The following SGIP1 variants were observed in gnomAD, a reference collection of about 807,000 sequenced individuals.
SGIP1 encodes the protein SH3GL interacting endocytic adaptor 1, also known as SH3-containing GRB2-like protein 3-interacting protein 1.
SGIP1 carries 38 observed loss-of-function variants against 107.5 expected under a neutral mutation model. The observed-to-expected ratio is 0.35, with a 90% CI of 0.27 to 0.46. SGIP1 has a LOEUF of 0.46. Among genes scored for constraint, SGIP1 ranks in the 20% least tolerant of loss-of-function variants. SGIP1 has a pLI of 1.00. For missense variants in SGIP1, 929 were observed against 1,019.5 expected (o/e 0.91, Z 1.21); for synonymous variants, 365 against 366.1 (o/e 1.00, Z 0.03).
Position 66,679,998 on chromosome 1 carries a change from G to A in SGIP1, c.814+246G>A, listed in dbSNP as rs143652993. Among the ~76,000 whole-genome samples, 128 of 152,062 alleles carry A rather than the reference G, an allele frequency of 8.4e-4. 1 individual carries two copies. The highest frequency in any genetic ancestry group is 2.7e-3 in the African/African-American group (114 of 41,466). On this transcript the variant is annotated intron_variant, in intron 14 of 24. Coordinates refer to ENST00000371037, the MANE Select transcript of SGIP1 (RefSeq NM_032291.4). ...CCTTGGTATAATTTTGTTGAATGAG[G>A]GACATTTTGTAACACGAAATGAAAA...
At chr1:66,717,887 A>G (rs57894680) in intron 18 of SGIP1, among the ~76,000 whole-genome samples, 3,011 of 152,282 alleles carry the variant, frequency 0.02, 96 homozygotes, top group African/African-American at 0.068. Flanking sequence ...GAATGTTGAT[A>G]ATGCTGATGA....
chr1:66,615,322 G>A (rs560970397), intron 1 of SGIP1, among the ~76,000 whole-genome samples: 9 of 152,072 alleles, frequency 5.9e-5, no homozygotes, highest in African/African-American at 2.2e-4. Context: ...TAGTGGAGAT[G>A]GGATTTCACC....
chr1:66,573,417 C>A (rs1025638450), intron 1 of SGIP1, among the ~76,000 whole-genome samples: 1 of 151,986 alleles, frequency 6.6e-6, no homozygotes, highest in Non-Finnish European at 1.5e-5. Flanking sequence ...GGTATATACC[C>A]AAAGGAATAT....
intron 13 of SGIP1, 24 bp from the exon 14 acceptor site, chr1:66,679,654 A>G: frequency 1.2e-6 from 2 of 1,600,428 alleles, no homozygotes; most frequent in South Asian, 2.3e-5. Flanking sequence ...GACCAATGAT[A>G]CTTAATTTCT....
chr1:66,651,517 CA>C (rs2078739748), intron 7 of SGIP1, among the ~76,000 whole-genome samples: 1 of 151,808 alleles, frequency 6.6e-6, no homozygotes, highest in East Asian at 1.9e-4. Flanking sequence ...CTAGCTCATT[CA>C]AAATATTTTA....
At chr1:66,653,305 G>A (rs1428638395) in intron 7 of SGIP1, among the ~76,000 whole-genome samples, 1 of 151,788 alleles carries the variant, frequency 6.6e-6, no homozygotes, top group East Asian at 1.9e-4. Context: ...CTTCATTACT[G>A]ATTTTTTTTT....
intron 1 of SGIP1, among the ~76,000 whole-genome samples, chr1:66,580,249 C>T (rs547803901): frequency 8.5e-5 from 13 of 152,250 alleles, no homozygotes; most frequent in Non-Finnish European, 1.5e-4. Flanking sequence ...ACCTAAGGCC[C>T]CACTACAACT....
chr1:66,659,492 T>C (rs1395311681), intron 7 of SGIP1, among the ~76,000 whole-genome samples: 1 of 152,204 alleles, frequency 6.6e-6, no homozygotes, highest in East Asian at 1.9e-4. Flanking sequence ...AGTCTCATGC[T>C]TTCATTTCAT....
intron 2 of SGIP1, among the ~76,000 whole-genome samples, chr1:66,632,474 G>A (rs1167812928): frequency 2.0e-5 from 3 of 152,076 alleles, no homozygotes; most frequent in Non-Finnish European, 2.9e-5. Context: ...AGGACCATTC[G>A]CAGAAGAAAA....
chr1:66,721,364 C>G (rs2093523493), intron 19 of SGIP1, among the ~76,000 whole-genome samples: 1 of 152,114 alleles, frequency 6.6e-6, no homozygotes. Context: ...CTTAGAAAAT[C>G]ACGTTGGCCT....
At chr1:66,648,991 C>T (rs1357634774) in intron 7 of SGIP1, among the ~76,000 whole-genome samples, 1 of 152,124 alleles carries the variant, frequency 6.6e-6, no homozygotes, top group Non-Finnish European at 1.5e-5. Context: ...AATTGGTACT[C>T]TGCAATTGTT....
chr1:66,681,866 C>T lies in SGIP1; in HGVS notation c.815-3C>T. 1 of 1,606,988 alleles carries T rather than the reference C, an allele frequency of 6.2e-7. No homozygotes were observed. Among genetic ancestry groups the T allele is most frequent in the South Asian group, 1.1e-5 (1 of 90,060 alleles). ...AGTTTAAAATCAACTACTTTAACCA[C>T]AGGAAATGACCAGTCAGCCACAGAG... is the stretch of plus-strand genomic sequence containing the variant. On this transcript the variant is annotated splice_region_variant and splice_polypyrimidine_tract_variant and intron_variant, in intron 14 of 24. Coordinates refer to ENST00000371037, the MANE Select transcript of SGIP1 (RefSeq NM_032291.4).
intron 1 of SGIP1, among the ~76,000 whole-genome samples, chr1:66,550,885 C>G (rs1471638882): frequency 2.0e-5 from 3 of 152,060 alleles, no homozygotes; most frequent in Non-Finnish European, 2.9e-5. Context: ...CTATCTGATT[C>G]TCAAACTATA....
chr1:66,630,853 A>AGAGAGAGAGAG (rs1558133316), intron 2 of SGIP1, among the ~76,000 whole-genome samples: 1 of 32,724 alleles, frequency 3.1e-5, no homozygotes, highest in African/African-American at 1.6e-4. Context: ...GAAAGAAAGA[A>AGAGAGAGAGAG]AGAAAGAAAG....
Position 66,740,694 on chromosome 1 carries a change from T to C in SGIP1, c.2271T>C (p.Pro757=). Residue 757 remains proline, a synonymous_variant, in exon 23 of 25, where the codon CCT becomes CCC. Transcript: ENST00000371037. ...AACAGAGAATATTGTGGAAGATTCC[T>C]GATATCTCTCAGAAGTCAGAAAATG... ...AEQQRILWKI[P]DISQKSENGG... is the part of the protein sequence containing the mutation. 4 of 1,608,482 alleles carry C rather than the reference T, an allele frequency of 2.5e-6. No individual in the cohort carries two copies. Among genetic ancestry groups the C allele is most frequent in the Non-Finnish European group, 3.4e-6 (4 of 1,176,166 alleles).
intron 1 of SGIP1, among the ~76,000 whole-genome samples, chr1:66,545,687 G>A (rs1440055987): frequency 4.1e-5 from 6 of 147,174 alleles, no homozygotes; most frequent in Non-Finnish European, 9.0e-5. Context: ...CAGAGAGAAA[G>A]AGAGAGAGGA....
chr1:66,554,226 T>A (rs1354662831), intron 1 of SGIP1, among the ~76,000 whole-genome samples: 4 of 152,138 alleles, frequency 2.6e-5, no homozygotes, highest in Non-Finnish European at 5.9e-5. Context: ...AAAGTCTAAA[T>A]GAGGTTGGGG....
At position 66,745,488 on chromosome 1, in the gene SGIP1, A is replaced by C. The variant is rs2094540153; in HGVS notation, c.*2393A>C. 1 of 152,102 alleles carries C rather than the reference A, an allele frequency of 6.6e-6. No individual in the cohort carries two copies. Among genetic ancestry groups the C allele is most frequent in the African/African-American group, 2.4e-5 (1 of 41,440 alleles). The allele number at this position is 152,102 out of a possible 1,614,324, so 9.4% of individuals were successfully genotyped here. A position where few individuals can be genotyped will look rare whatever the true frequency, so the allele number is the denominator to read the frequency against. On this transcript the variant is annotated 3_prime_UTR_variant, in exon 25 of 25. Transcript: ENST00000371037. ...GTTTCTTTTTAATTTTGTAGATTAT[A>C]ATCTCCTGTTACATCTATATCCACA...
intron 1 of SGIP1, among the ~76,000 whole-genome samples, chr1:66,586,846 A>AT (rs1049214021): frequency 1.3e-5 from 2 of 151,724 alleles, no homozygotes; most frequent in Non-Finnish European, 1.5e-5. Context: ...TCCTTTAGCT[A>AT]TTTTTTTAGA....
Sources: allele counts gnomAD v4.1 joint callset (sites outside exome capture counted in the v4.1 genomes callset), GRCh38; gene constraint gnomAD v4.1.1; transcripts MANE v1.5; gene names NCBI Gene and HGNC (gene_info 2026-07-23, HGNC 2026-07-21).